Variants in ASNS observed in about 807,000 individuals in gnomAD.
ASNS encodes asparagine synthetase [glutamine-hydrolyzing].
ASNS carries 37 observed loss-of-function variants against 62.6 expected under a neutral mutation model. That is an observed-to-expected ratio of 0.59 (90% CI 0.45 to 0.78). ASNS has a LOEUF of 0.78. ASNS is among the 30% of genes least tolerant of loss of function. The pLI is 0.00. For synonymous variants in ASNS, 207 were observed against 237.9 expected (o/e 0.87, Z 1.19); for missense variants, 520 against 682.4 (o/e 0.76, Z 2.65).
At chr7:97,906,984 A>G in the ASNS span, among the ~76,000 whole-genome samples, 2 of 152,164 alleles carry the variant, frequency 1.3e-5, no homozygotes, top group African/African-American at 4.8e-5. Context: ...GGGGAGGACA[A>G]TCTGCTTTAT....
At chr7:97,854,845 T>G (rs1157081529) in intron 9 of ASNS, 165 bp from the exon 10 acceptor site, 14 of 1,230,048 alleles carry the variant, frequency 1.1e-5, no homozygotes, top group African/African-American at 1.5e-5. Flanking sequence ...AAACATGCCT[T>G]CCTTCCTACC....
chr7:97,888,369 G>A, the ASNS span, among the ~76,000 whole-genome samples: 1 of 151,390 alleles, frequency 6.6e-6, no homozygotes, highest in Admixed American at 6.6e-5. Context: ...CCAGCCCCAG[G>A]GAATAAATTT....
At chr7:97,897,816 C>T in the ASNS span, among the ~76,000 whole-genome samples, 1 of 152,164 alleles carries the variant, frequency 6.6e-6, no homozygotes, top group Non-Finnish European at 1.5e-5. Context: ...ATATTTACTG[C>T]AGCACTATTT....
rs36021744 is a variant in ASNS, at chr7:97,858,834, G to GT, written c.775+19dup. The GT allele has an allele frequency of 0.29, 458,498 of 1,586,306 alleles. 70,537 individuals are homozygous for GT. Among genetic ancestry groups the GT allele is most frequent in the Admixed American group, 0.45 (24,342 of 54,576 alleles). On this transcript the variant is annotated intron_variant, in intron 6 of 12. Transcript: ENST00000394308. ...TTAAACACACATGAAATATAATTAG[G>GT]TTTTTTTAATTGACTTCACCTGATA...
the ASNS span, among the ~76,000 whole-genome samples, chr7:97,926,057 C>A: frequency 6.7e-6 from 1 of 149,214 alleles, no homozygotes; most frequent in African/African-American, 2.5e-5. Flanking sequence ...CCTCCACCCC[C>A]CTGCCTCCCC....
At position 97,858,267 on chromosome 7, in the gene ASNS, C is replaced by CAGCCAGTCTCTGTGCTAGAA. The variant is rs1562815970; in HGVS notation, c.903+10_903+11insTTCTAGCACAGAGACTGGCT. 1.9e-6 allele frequency: 3 copies of CAGCCAGTCTCTGTGCTAGAA among 1,612,216 alleles called. 1 individual carries two copies. In the South Asian group the frequency reaches 3.3e-5, roughly 18 times the overall value. On this transcript the variant is annotated intron_variant, in intron 7 of 12. Transcript: ENST00000394308. ...AACTACACTACACAAGGGACAGAGACAGCACCTTACCTTTCTAGCAGCCAG... is the reference window on the plus strand; with the variant it reads ...AACTACACTACACAAGGGACAGAGACAGCCAGTCTCTGTGCTAGAAAGCACCTTACCTTTCTAGCAGCCAG...
chr7:97,927,540 C>A, the ASNS span, among the ~76,000 whole-genome samples: 9 of 152,256 alleles, frequency 5.9e-5, no homozygotes, highest in Admixed American at 2.0e-4. Context: ...TTCCCAAGGT[C>A]CCACTACGTT....
chr7:97,854,513 C>G, intron 10 of ASNS, 67 bp downstream of exon 10: 2 of 1,570,658 alleles, frequency 1.3e-6, no homozygotes, highest in South Asian at 2.4e-5. Context: ...GGGTATTGAG[C>G]TTTTTGTTTT....
Position 97,859,218 on chromosome 7 carries a change from A to G in ASNS, c.668T>C (p.Phe223Ser). 1 of 1,601,228 alleles carries G rather than the reference A, an allele frequency of 6.2e-7. No homozygotes were observed. The highest frequency in any genetic ancestry group is 8.5e-7 in the Non-Finnish European group (1 of 1,171,714). Residue 223 changes from phenylalanine (F) to serine (S), a missense_variant, in exon 5 of 13, where the codon TTT (phenylalanine) becomes TCT (serine). Transcript: ENST00000394308. The part of the protein sequence containing the change: ...HALYDNVEKL[F>S]PGFEIETVKN... ...GGTGGGTGGGTGTCTGCTACCTGGA[A>G]AGAGTTTCTCCACATTGTCATAGAG...
At chr7:97,880,812 C>A in the ASNS span, among the ~76,000 whole-genome samples, 1 of 152,220 alleles carries the variant, frequency 6.6e-6, no homozygotes, top group Non-Finnish European at 1.5e-5. Context: ...ACATCAGAAT[C>A]ACCTGGGGAG....
the ASNS span, chr7:97,928,385 C>T: frequency 8.3e-6 from 6 of 719,976 alleles, no homozygotes; most frequent in Non-Finnish European, 1.3e-5. Context: ...TGAGCGCGGG[C>T]TCGGAGGGTC....
the ASNS span, chr7:97,906,741 G>T: frequency 6.6e-6 from 1 of 152,508 alleles, no homozygotes; most frequent in African/African-American, 2.4e-5. Context: ...TTGATTTGTT[G>T]TAAGAGATGG....
chr7:97,909,946 A>G, the ASNS span, among the ~76,000 whole-genome samples: 1 of 152,196 alleles, frequency 6.6e-6, no homozygotes, highest in Non-Finnish European at 1.5e-5. Flanking sequence ...TCCATTCAGC[A>G]TCTGTTCCAC....
intron 10 of ASNS, 77 bp downstream of exon 10, chr7:97,854,503 G>A (rs1584458431): frequency 1.3e-6 from 2 of 1,536,628 alleles, no homozygotes; most frequent in African/African-American, 2.8e-5. Flanking sequence ...TATTTTCTCA[G>A]GGTATTGAGC....
intron 4 of ASNS, among the ~76,000 whole-genome samples, chr7:97,860,208 G>C (rs1439367996): frequency 1.3e-5 from 2 of 152,218 alleles, no homozygotes; most frequent in African/African-American, 4.8e-5. Context: ...GGAATGGGGA[G>C]TAATTAAAAG....
the ASNS span, among the ~76,000 whole-genome samples, chr7:97,879,315 G>A: frequency 1.3e-5 from 2 of 152,166 alleles, no homozygotes; most frequent in South Asian, 2.1e-4. Flanking sequence ...TTAAACTCAA[G>A]AGCTTCTGCA....
intron 4 of ASNS, chr7:97,864,024 T>C: frequency 2.2e-6 from 1 of 460,512 alleles, no homozygotes; most frequent in South Asian, 3.7e-5. Context: ...ATGTAGAGCA[T>C]ATTAGCACAG....
intron 10 of ASNS, 130 bp downstream of exon 10, chr7:97,854,450 T>G (rs888132137): frequency 8.9e-7 from 1 of 1,121,070 alleles, no homozygotes; most frequent in Non-Finnish European, 1.3e-6. Flanking sequence ...TTGTAACATA[T>G]AGCCAACTAT....
At chr7:97,907,567 G>A in the ASNS span, among the ~76,000 whole-genome samples, 1 of 152,134 alleles carries the variant, frequency 6.6e-6, no homozygotes, top group Non-Finnish European at 1.5e-5. Context: ...AGGAGATCGA[G>A]ACCATCCTGG....
Sources: gnomAD v4.1 joint callset for allele counts (sites outside exome capture counted in the v4.1 genomes callset) on GRCh38, gnomAD v4.1.1 for gene constraint, MANE v1.5 for transcripts, NCBI Gene and HGNC (gene_info 2026-07-23, HGNC 2026-07-21) for gene names.